The following NAA25 variants were observed in gnomAD, a reference collection of about 807,000 sequenced individuals.
The protein encoded by NAA25 is N-terminal acetyltransferase B complex subunit NAA25.
NAA25 carries 30 observed loss-of-function variants against 132.5 expected under a neutral mutation model. The ratio of observed to expected loss-of-function variants is 0.23; its 90% CI spans 0.17 to 0.31. NAA25 has a LOEUF of 0.31. Ranked by LOEUF, NAA25 falls within the 10% of genes least tolerant of loss-of-function variation. The probability of loss-of-function intolerance (pLI) is 1.00; values close to 1 mark genes in which losing one functional copy is unlikely to be tolerated. For missense variants in NAA25, 771 were observed against 1,150.4 expected (o/e 0.67, Z 4.77); for synonymous variants, 359 against 401.9 (o/e 0.89, Z 1.28).
In NAA25 at chr12:112,049,786, T is replaced by C. The variant is rs1271275682; in HGVS notation, c.1729-1343A>G. ...ATACTCTAAACACATATGCCTATCC[T>C]ATGGCCCCTTGGCTTAGAAAACACA... On this transcript the variant is annotated intron_variant, in intron 15 of 23. Coordinates refer to ENST00000261745, the MANE Select transcript of NAA25 (RefSeq NM_024953.4). The surrounding 1 kb of genome is among the most constrained non-coding windows in gnomAD (Gnocchi z 4.7). Among the ~76,000 whole-genome samples the C allele has an allele frequency of 6.6e-6, 1 of 152,178 alleles. No homozygotes were observed. Among genetic ancestry groups the C allele is most frequent in the Non-Finnish European group, 1.5e-5 (1 of 68,034 alleles).
At chr12:112,072,110 C>T in intron 9 of NAA25, 46 bp from the exon 10 acceptor site, 1 of 1,502,588 alleles carries the variant, frequency 6.7e-7, no homozygotes, top group East Asian at 2.3e-5. Context: ...CTCTATTGTC[C>T]TTCCCGAAGC....
intron 3 of NAA25, among the ~76,000 whole-genome samples, chr12:112,089,302 T>C (rs2079098366): frequency 6.6e-6 from 1 of 152,144 alleles, no homozygotes; most frequent in African/African-American, 2.4e-5. Flanking sequence ...TTTGAATGAA[T>C]GAAGAGAGAA....
At chr12:112,097,262 T>C (rs1187934474) in intron 1 of NAA25, 2 of 152,186 alleles carry the variant, frequency 1.3e-5, no homozygotes, top group Non-Finnish European at 2.9e-5. Flanking sequence ...CCAGAATTTC[T>C]ATTTTGAAGG....
chr12:112,066,879 A>G (rs771317776), intron 11 of NAA25, among the ~76,000 whole-genome samples: 1 of 152,178 alleles, frequency 6.6e-6, no homozygotes, highest in Non-Finnish European at 1.5e-5. Flanking sequence ...GTGGTCACTA[A>G]AAAAATACTC....
At chr12:112,070,155 T>C (rs1326975028) in intron 10 of NAA25, among the ~76,000 whole-genome samples, 2 of 152,104 alleles carry the variant, frequency 1.3e-5, no homozygotes, top group African/African-American at 2.4e-5. Flanking sequence ...AATAAAAACC[T>C]GTAAGCAAAT....
At chr12:112,030,319 C>T (rs2078133140) in intron 23 of NAA25, among the ~76,000 whole-genome samples, 4 of 151,372 alleles carry the variant, frequency 2.6e-5, no homozygotes, top group Admixed American at 2.6e-4. Context: ...ACATAAAATC[C>T]CTACTATTTT....
chr12:112,032,600 T>G (rs1223272716), intron 23 of NAA25, among the ~76,000 whole-genome samples: 3 of 152,202 alleles, frequency 2.0e-5, no homozygotes, highest in Non-Finnish European at 4.4e-5. Flanking sequence ...TCCACCACTG[T>G]CCTTCTTGCC....
chr12:112,094,297 T>C (rs1318654135), intron 1 of NAA25, among the ~76,000 whole-genome samples: 1 of 150,030 alleles, frequency 6.7e-6, no homozygotes, highest in African/African-American at 2.4e-5. Context: ...TCATCTCTCA[T>C]CTACAAGTAA....
intron 4 of NAA25, among the ~76,000 whole-genome samples, chr12:112,086,434 G>C (rs906264346): frequency 1.2e-4 from 19 of 152,018 alleles, no homozygotes; most frequent in Admixed American, 2.0e-4. Context: ...AGGCCAGGTT[G>C]CAGTGAGCCG....
chr12:112,065,098 C>T (rs572027698), intron 11 of NAA25, among the ~76,000 whole-genome samples: 16 of 152,154 alleles, frequency 1.1e-4, no homozygotes, highest in Admixed American at 7.2e-4. Flanking sequence ...TCACGGCTCA[C>T]GCCTGTAATC....
At position 112,071,869 on chromosome 12, in the gene NAA25, GCTTACCAGATATCATGGTTT is replaced by G. The variant is rs778985911; in HGVS notation, c.1036+6_1036+25del. ...CTTGGGTATTAAGGGCATTCTCCAG[GCTTACCAGATATCATGGTTT>G]CTTACCCAGTTTGTACTCATCGTTA... On this transcript the variant is annotated splice_donor_region_variant and intron_variant, in intron 10 of 23. Coordinates refer to ENST00000261745, the MANE Select transcript of NAA25 (RefSeq NM_024953.4). 1.2e-6 allele frequency: 2 copies of G among 1,601,172 alleles called. No homozygotes were observed. Among genetic ancestry groups the G allele is most frequent in the Admixed American group, 3.4e-5 (2 of 58,268 alleles).
At chr12:112,084,776 A>T (rs2079020397) in intron 4 of NAA25, among the ~76,000 whole-genome samples, 1 of 150,722 alleles carries the variant, frequency 6.6e-6, no homozygotes, top group Non-Finnish European at 1.5e-5. Context: ...CTGGAGACAG[A>T]GCGAGACTCC....
chr12:112,092,681 C>A lies in NAA25; in HGVS notation c.144+370G>T, dbSNP rs552811894. 5.4e-3 allele frequency among the ~76,000 whole-genome samples: 812 copies of A among 149,426 alleles called. 5 individuals are homozygous for A. The highest frequency in any genetic ancestry group is 7.3e-3 in the Non-Finnish European group (498 of 67,894). On this transcript the variant is annotated intron_variant, in intron 2 of 23. Coordinates refer to ENST00000261745, the MANE Select transcript of NAA25 (RefSeq NM_024953.4). ...GAGATTTAACATCCTTTCTCCCCCC[C>A]CTTTTTTTTTTTTTGAGACGGAGTC...
chr12:112,076,776 G>C (rs993071478), intron 7 of NAA25, among the ~76,000 whole-genome samples: 1 of 151,004 alleles, frequency 6.6e-6, no homozygotes, highest in East Asian at 2.0e-4. Context: ...CAGGCAGATC[G>C]CTTGAGACCA....
chr12:112,068,904 G>C lies in NAA25; in HGVS notation c.1125C>G (p.Leu375=). The C allele has an allele frequency of 6.2e-7, 1 of 1,610,968 alleles. No homozygotes were observed. Among genetic ancestry groups the C allele is most frequent in the Non-Finnish European group, 8.5e-7 (1 of 1,177,584 alleles). ...CTTTTGTACACTGTGTAGCAGGTAA[G>C]AGGTCAACAAACACCTTAAGGTCTG... ...CFTDLKVFVD[L]LPATQCTKFI... Residue 375 remains leucine, a synonymous_variant, in exon 11 of 24, where the codon CTC becomes CTG. Coordinates refer to ENST00000261745, the MANE Select transcript of NAA25 (RefSeq NM_024953.4).
chr12:112,065,038 A>C (rs1007775730), intron 11 of NAA25, among the ~76,000 whole-genome samples: 1 of 151,512 alleles, frequency 6.6e-6, no homozygotes, highest in African/African-American at 2.4e-5. Flanking sequence ...TGTCTCAAAA[A>C]ATAAAATAAA....
Position 112,043,121 on chromosome 12 carries a change from T to C in NAA25, c.2341A>G (p.Asn781Asp), listed in dbSNP as rs778220176. 10 of 1,612,704 alleles carry C rather than the reference T, an allele frequency of 6.2e-6. No homozygotes were observed. Among genetic ancestry groups the C allele is most frequent in the African/African-American group, 1.3e-5 (1 of 74,826 alleles). The change falls in exon 19 of 24, where the codon AAT becomes GAT. Residue 781 changes from asparagine to aspartate, a missense_variant. By Grantham distance (23) the Asn-to-Asp change is conservative. Transcript: ENST00000261745. ...CTGGTATCCAGCTCATAAATATCATTGACAAGATAAAAAGAGCTTATCTGG... is the reference window on the plus strand; with the variant it reads ...CTGGTATCCAGCTCATAAATATCATCGACAAGATAAAAAGAGCTTATCTGG... ...QCQISSFYLV[N>D]DIYELDTSGL... is the part of the protein sequence containing the mutation.
chr12:112,031,721 C>T (rs1222918809), intron 23 of NAA25, among the ~76,000 whole-genome samples: 2 of 151,794 alleles, frequency 1.3e-5, no homozygotes, highest in Non-Finnish European at 2.9e-5. Context: ...CAGTACTTCC[C>T]GTATACCATA....
At position 112,087,618 on chromosome 12, in the gene NAA25, CAAGA is replaced by C. The variant is rs370067363; in HGVS notation, c.402+61_402+64del. ...ACACATACCCAGTGCAGTTAAATCACAAGAAAGAGACTTTTGCCTCTAATAGTAA... is the reference window on the plus strand; with the variant it reads ...ACACATACCCAGTGCAGTTAAATCACAAGAGACTTTTGCCTCTAATAGTAA... On this transcript the variant is annotated intron_variant, in intron 4 of 23. Transcript: ENST00000261745. 4.4e-5 allele frequency: 51 copies of C among 1,147,284 alleles called. No individual in the cohort carries two copies. The African/African-American group carries it at 6.1e-4, about 14-fold the overall frequency. 71.1% of individuals were successfully genotyped at this position (1,147,284 alleles called of 1,614,324 possible). A position where few individuals can be genotyped will look rare whatever the true frequency, so the allele number is the denominator to read the frequency against.
Sources: allele counts gnomAD v4.1 joint callset (sites outside exome capture counted in the v4.1 genomes callset), GRCh38; gene constraint gnomAD v4.1.1; non-coding constraint Gnocchi (gnomAD v3.1); transcripts MANE v1.5; gene names NCBI Gene and HGNC (gene_info 2026-07-23, HGNC 2026-07-21).